Variants in REV1 observed in about 807,000 individuals in gnomAD.
The protein encoded by REV1 is translesion synthesis protein REV1.
Under a neutral mutation model 137.4 loss-of-function variants are expected in REV1, and 42 were observed. That is an observed-to-expected ratio of 0.31 (90% CI 0.24 to 0.40). The LOEUF is 0.40. Ranked by LOEUF, REV1 falls within the 10% of genes least tolerant of loss-of-function variation. REV1 has a pLI of 1.00. For missense variants in REV1, 1,282 were observed against 1,490.1 expected (o/e 0.86, Z 2.30); for synonymous variants, 524 against 519.2 (o/e 1.01, Z -0.12).
At chr2:99,431,313 C>T (rs958099703) in intron 8 of REV1, among the ~76,000 whole-genome samples, 3 of 152,112 alleles carry the variant, frequency 2.0e-5, no homozygotes, top group African/African-American at 7.2e-5. Context: ...ATATGAATAA[C>T]GTATGCTAGC....
intron 1 of REV1, among the ~76,000 whole-genome samples, chr2:99,474,677 G>C (rs181571317): frequency 6.6e-6 from 1 of 152,242 alleles, no homozygotes; most frequent in Non-Finnish European, 1.5e-5. Flanking sequence ...TGAGGCAGGC[G>C]AATCACATGA....
At position 99,406,044 on chromosome 2, in the gene REV1, G is replaced by A; in HGVS notation, c.2677C>T (p.Pro893Ser). The change falls in exon 17 of 23, where the codon CCT (proline) becomes TCT (serine). Residue 893 changes from proline (P) to serine (S), a missense_variant. Pro to Ser is a moderately conservative substitution (Grantham distance 74). Around this residue, in one of 7 missense-constraint regions of REV1, gnomAD observed 372 missense variants for 482.3 expected, o/e 0.77. Transcript: ENST00000258428. The stretch of plus-strand genomic sequence containing the variant: ...CTGGTCGGCAGATGTGCAGGAAAAG[G>A]TGGCAAGAAAGTGCAAGTTCTAGAA... Reference protein sequence around the residue: ...SASRTCTFLPPFPAHLPTSPD... With the variant: ...SASRTCTFLPSFPAHLPTSPD... 1.2e-6 allele frequency: 2 copies of A among 1,613,908 alleles called. No individual in the cohort carries two copies. Among genetic ancestry groups the A allele is most frequent in the Non-Finnish European group, 1.7e-6 (2 of 1,179,964 alleles).
rs758837489 is a variant in REV1 at position 99,429,906 on chromosome 2, G to A, written c.1481C>T (p.Ala494Val). 3.4e-5 allele frequency: 55 copies of A among 1,601,630 alleles called. No individual in the cohort carries two copies. The highest frequency in any genetic ancestry group is 2.2e-4 in the Admixed American group (13 of 58,332). The stretch of plus-strand genomic sequence containing the variant: ...AACAGAATCAATTCCATTTGCTTGC[G>A]CAGAATCTGGATTCTCCCACAATGA... ...DSSLWENPDSAQANGIDSVLS... is the reference protein window; with the variant it reads ...DSSLWENPDSVQANGIDSVLS... Residue 494 changes from alanine to valine, a missense_variant, in exon 9 of 23, where the codon GCG becomes GTG. Transcript: ENST00000258428.
intron 4 of REV1, among the ~76,000 whole-genome samples, chr2:99,449,128 G>A (rs954249150): frequency 3.3e-5 from 5 of 152,082 alleles, no homozygotes; most frequent in African/African-American, 1.2e-4. Context: ...AGCCAGGTGT[G>A]GTGGCGCCTG....
chr2:99,407,788 C>G lies in REV1; in HGVS notation c.2448+241G>C, dbSNP rs191952451. 2.0e-5 allele frequency among the ~76,000 whole-genome samples: 3 copies of G among 152,226 alleles called. No individual in the cohort carries two copies. In the East Asian group the frequency reaches 5.8e-4, roughly 29 times the overall value. The stretch of plus-strand genomic sequence containing the variant: ...ACAGGGAAGACATGTATATTAGCCC[C>G]TGGTTAATCAGGGGTACCTTGGAAA... On this transcript the variant is annotated intron_variant, in intron 15 of 22. Coordinates refer to ENST00000258428, the MANE Select transcript of REV1 (RefSeq NM_016316.4).
At chr2:99,405,110 G>T in intron 17 of REV1, 1 of 174,384 alleles carries the variant, frequency 5.7e-6, no homozygotes. Context: ...ATGAGAGACT[G>T]CCCAAAAATA....
chr2:99,473,365 C>CAAAAA (rs10645145), intron 1 of REV1, among the ~76,000 whole-genome samples: 16 of 112,048 alleles, frequency 1.4e-4, no homozygotes, highest in African/African-American at 3.5e-4. Flanking sequence ...GAGACTGTCT[C>CAAAAA]AAAAAAAAAA....
At position 99,418,873 on chromosome 2, in the gene REV1, C is replaced by T. The variant is rs1454073363; in HGVS notation, c.1906G>A (p.Glu636Lys). 1.2e-6 allele frequency: 2 copies of T among 1,612,374 alleles called. No homozygotes were observed. The highest frequency in any genetic ancestry group is 1.7e-5 in the Admixed American group (1 of 59,960). ...PDGQYHLKPE[E>K]VDDFIRGQLV... ...TGGCCTCTGATAAAATCATCTACTT[C>T]TTCTGGTTTTAGGTGGTACTGCCCA... The change falls in exon 12 of 23, where the codon GAA becomes AAA. Residue 636 changes from glutamate (E) to lysine (K), a missense_variant. By Grantham distance (56) the Glu-to-Lys change is moderately conservative. Around this residue, in one of 7 missense-constraint regions of REV1, gnomAD observed 372 missense variants for 482.3 expected, o/e 0.77. Transcript: ENST00000258428.
At chr2:99,472,521 T>C (rs1268517178) in intron 1 of REV1, among the ~76,000 whole-genome samples, 1 of 152,192 alleles carries the variant, frequency 6.6e-6, no homozygotes, top group African/African-American at 2.4e-5. Flanking sequence ...AACTTTTATA[T>C]GTATCGTACC....
chr2:99,467,336 A>G (rs969640178), intron 1 of REV1, among the ~76,000 whole-genome samples: 2 of 152,234 alleles, frequency 1.3e-5, no homozygotes, highest in Admixed American at 1.3e-4. Flanking sequence ...CAAATGTTTA[A>G]AACTTTAAAA....
chr2:99,452,533 C>G lies in REV1; in HGVS notation c.182-3029G>C, dbSNP rs528746137. Among the ~76,000 whole-genome samples, 24 of 152,220 alleles carry G rather than the reference C, an allele frequency of 1.6e-4. No individual in the cohort carries two copies. The South Asian group carries it at 2.9e-3, about 18-fold the overall frequency. ...ACACTGCCTACAGAACCCATCTCTG[C>G]AATGTACTGTAACAGTTAACTTTCT... is the stretch of plus-strand genomic sequence containing the variant. On this transcript the variant is annotated intron_variant, in intron 3 of 22. Coordinates refer to ENST00000258428, the MANE Select transcript of REV1 (RefSeq NM_016316.4).
chr2:99,411,273 G>A (rs1677101643), intron 13 of REV1, among the ~76,000 whole-genome samples: 1 of 152,098 alleles, frequency 6.6e-6, no homozygotes, highest in Non-Finnish European at 1.5e-5. Flanking sequence ...GGGCGACAGA[G>A]GGAGACTCCG....
At chr2:99,472,892 A>C (rs1685572364) in intron 1 of REV1, among the ~76,000 whole-genome samples, 1 of 152,220 alleles carries the variant, frequency 6.6e-6, no homozygotes, top group Non-Finnish European at 1.5e-5. Flanking sequence ...TTTTTATGTA[A>C]CATTTAGATA....
At chr2:99,411,282 C>T (rs767915794) in intron 13 of REV1, among the ~76,000 whole-genome samples, 16 of 151,886 alleles carry the variant, frequency 1.1e-4, no homozygotes, top group Non-Finnish European at 1.3e-4. Flanking sequence ...AGGGAGACTC[C>T]GTCTCAAAAA....
chr2:99,438,936 T>G lies in REV1; in HGVS notation c.878A>C (p.His293Pro), dbSNP rs775560297. 8.1e-6 allele frequency: 13 copies of G among 1,614,198 alleles called. No individual in the cohort carries two copies. In the South Asian group the frequency reaches 9.9e-5, roughly 12 times the overall value. Residue 293 changes from histidine to proline, a missense_variant, in exon 6 of 23, where the codon CAC (histidine) becomes CCC (proline). His to Pro is a moderately conservative substitution (Grantham distance 77). This residue lies in a region of REV1 where 432 missense variants were observed against 438.0 expected (regional missense o/e 0.99). Transcript: ENST00000258428. Reference protein sequence around the residue: ...TRNTDALRNPHRTNSFSLSPL... With the variant: ...TRNTDALRNPPRTNSFSLSPL... Reference sequence around the variant, plus strand: ...TGATAATGAGAAAGAATTAGTTCTGTGTGGATTCCGCAAAGCATCTGTGTT... The same window carrying G: ...TGATAATGAGAAAGAATTAGTTCTGGGTGGATTCCGCAAAGCATCTGTGTT...
chr2:99,453,005 G>C (rs1416952079), intron 3 of REV1, among the ~76,000 whole-genome samples: 1 of 152,126 alleles, frequency 6.6e-6, no homozygotes, highest in African/African-American at 2.4e-5. Flanking sequence ...TGTCTCAAAG[G>C]ACTTCTGTGG....
intron 2 of REV1, among the ~76,000 whole-genome samples, chr2:99,463,073 G>T (rs1684409004): frequency 6.6e-6 from 1 of 151,758 alleles, no homozygotes; most frequent in South Asian, 2.1e-4. Context: ...GGGTGACAGA[G>T]CAAGACTCCA....
chr2:99,406,521 G>T, intron 15 of REV1, 31 bp from the exon 16 acceptor site: 1 of 1,510,168 alleles, frequency 6.6e-7, no homozygotes. Context: ...TATGCTTCTA[G>T]GAAAACTAAA....
intron 13 of REV1, among the ~76,000 whole-genome samples, chr2:99,411,287 CA>C (rs1559295778): frequency 6.6e-6 from 1 of 151,934 alleles, no homozygotes; most frequent in Non-Finnish European, 1.5e-5. Context: ...GACTCCGTCT[CA>C]AAAAAGTAAA....
Sources: allele counts gnomAD v4.1 joint callset (sites outside exome capture counted in the v4.1 genomes callset), GRCh38; gene constraint gnomAD v4.1.1; regional missense constraint gnomAD v4.1.1; transcripts MANE v1.5; gene names NCBI Gene and HGNC (gene_info 2026-07-23, HGNC 2026-07-21).